PCDH15: variants seen among roughly 807,000 people sequenced by gnomAD.
PCDH15 encodes protocadherin-15.
Under a neutral mutation model 178.5 loss-of-function variants are expected in PCDH15, and 129 were observed. The ratio of observed to expected loss-of-function variants is 0.72; its 90% CI spans 0.63 to 0.84. The LOEUF (loss-of-function observed/expected upper bound fraction) is 0.84, where lower values mean the gene tolerates loss of function less well. PCDH15 is among the 40% of genes least tolerant of loss of function. PCDH15 has a pLI of 0.00. For synonymous variants in PCDH15, 800 were observed against 732.0 expected (o/e 1.09, Z -1.50); for missense variants, 2,230 against 2,099.9 (o/e 1.06, Z -1.21).
At chr10:55,490,717 GA>G (rs1294396428) in intron 2 of PCDH15, among the ~76,000 whole-genome samples, 1 of 151,680 alleles carries the variant, frequency 6.6e-6, no homozygotes, top group South Asian at 2.1e-4. Context: ...GTGGAAGACA[GA>G]AAAAAATATT....
rs1376393893 is a variant in PCDH15 at position 54,198,769 on chromosome 10, G to A, written c.1099-2880C>T. Among the ~76,000 whole-genome samples the A allele has an allele frequency of 2.1e-5, 2 of 95,180 alleles. 1 individual carries two copies. The highest frequency in any genetic ancestry group is 3.8e-5 in the Non-Finnish European group (2 of 53,092). The allele number at this position is 95,180 out of a possible 152,430, so 62.4% of individuals were successfully genotyped here. A position where few individuals can be genotyped will look rare whatever the true frequency, so the allele number is the denominator to read the frequency against. On this transcript the variant is annotated intron_variant, in intron 10 of 37. Transcript: ENST00000644397. ...GCCCGCCTCGGCCTCCCAAAGTGCT[G>A]GGATTACAGGCGTGAGCCAATAACC...
chr10:55,510,657 T>A (rs1258075325), intron 2 of PCDH15, among the ~76,000 whole-genome samples: 2 of 151,888 alleles, frequency 1.3e-5, no homozygotes, highest in African/African-American at 4.8e-5. Flanking sequence ...AAAAACTGTT[T>A]AAAATTCAAA....
chr10:54,745,511 A>T (rs941758399), intron 1 of PCDH15, among the ~76,000 whole-genome samples: 1 of 152,196 alleles, frequency 6.6e-6, no homozygotes, highest in Non-Finnish European at 1.5e-5. Flanking sequence ...ATGTATGCTG[A>T]ATGAGTGTGT....
intron 3 of PCDH15, among the ~76,000 whole-genome samples, chr10:54,515,010 G>A (rs112247145): frequency 9.3e-4 from 141 of 152,324 alleles, no homozygotes; most frequent in African/African-American, 3.1e-3. Flanking sequence ...CAAGATGGCC[G>A]AGTAGGAATA....
chr10:55,062,648 C>A (rs1841462839), intron 2 of PCDH15, among the ~76,000 whole-genome samples: 1 of 152,078 alleles, frequency 6.6e-6, no homozygotes, highest in Non-Finnish European at 1.5e-5. Context: ...CTGTATGATG[C>A]TATAATGGTA....
At chr10:53,853,513 T>C (rs2078529955) in intron 28 of PCDH15, among the ~76,000 whole-genome samples, 1 of 152,006 alleles carries the variant, frequency 6.6e-6, no homozygotes, top group Non-Finnish European at 1.5e-5. Context: ...TATTTGCAAA[T>C]CTTACATCTG....
intron 8 of PCDH15, among the ~76,000 whole-genome samples, chr10:54,250,505 G>A (rs926454822): frequency 6.6e-6 from 1 of 150,906 alleles, no homozygotes; most frequent in African/African-American, 2.4e-5. Context: ...GGATGGTCTC[G>A]ATCTCCTGAC....
Position 54,374,704 on chromosome 10 carries a change from A to G in PCDH15, c.318+4078T>C, listed in dbSNP as rs549491514. Among the ~76,000 whole-genome samples, 39 of 152,180 alleles carry G rather than the reference A, an allele frequency of 2.6e-4. No homozygotes were observed. In the East Asian group the frequency reaches 7.4e-3, roughly 29 times the overall value. On this transcript the variant is annotated intron_variant, in intron 4 of 37. Transcript: ENST00000644397. ...AATTTATGTAACTTTAGTGAACAAAAAAATAAAAATAAGACATAAAAATAA... is the reference window on the plus strand; with the variant it reads ...AATTTATGTAACTTTAGTGAACAAAGAAATAAAAATAAGACATAAAAATAA...
At chr10:55,366,570 T>C (rs1008377720) in intron 2 of PCDH15, among the ~76,000 whole-genome samples, 1 of 152,154 alleles carries the variant, frequency 6.6e-6, no homozygotes, top group African/African-American at 2.4e-5. Flanking sequence ...CAATAAATTG[T>C]AACACTCTTA....
chr10:53,831,018 T>C (rs1207029064), intron 30 of PCDH15: 1 of 548,242 alleles, frequency 1.8e-6, no homozygotes, highest in Non-Finnish European at 3.4e-6. Context: ...CTCTCCCAAG[T>C]TGGCTCTTAA....
At chr10:54,461,125 C>G (rs2077139777) in intron 3 of PCDH15, among the ~76,000 whole-genome samples, 1 of 151,832 alleles carries the variant, frequency 6.6e-6, no homozygotes, top group African/African-American at 2.4e-5. Context: ...AATTCAGAAG[C>G]AACATCAAAG....
At chr10:55,011,301 C>T (rs7358230) in intron 2 of PCDH15, among the ~76,000 whole-genome samples, 117,712 of 152,076 alleles carry the variant, frequency 0.77, 45,735 homozygotes, top group East Asian at 0.84. Flanking sequence ...AATGACCAAA[C>T]TATCAGTGCT....
intron 14 of PCDH15, among the ~76,000 whole-genome samples, chr10:54,145,511 T>G (rs1401315753): frequency 6.6e-6 from 1 of 152,108 alleles, no homozygotes; most frequent in East Asian, 1.9e-4. Flanking sequence ...TTGAAATACA[T>G]ATAGAAATCT....
chr10:54,153,858 TA>T (rs143489556), intron 13 of PCDH15, among the ~76,000 whole-genome samples: 2,158 of 152,246 alleles, frequency 0.014, 59 homozygotes, highest in African/African-American at 0.05. Flanking sequence ...CCCTGATTTA[TA>T]AAGGACTGAT....
Position 54,359,267 on chromosome 10 carries a change from TA to T in PCDH15, c.474+9852del, listed in dbSNP as rs550002721. Reference sequence around the variant, plus strand: ...AAGCTTAAATAAACCTTTAAAAAACTAAAAAAAAACAAAAACTAAAACCATC... The same window carrying T: ...AAGCTTAAATAAACCTTTAAAAAACTAAAAAAAACAAAAACTAAAACCATC... On this transcript the variant is annotated intron_variant, in intron 5 of 37. Coordinates refer to ENST00000644397, the MANE Select transcript of PCDH15 (RefSeq NM_001384140.1). 1.6e-3 allele frequency among the ~76,000 whole-genome samples: 233 copies of T among 143,708 alleles called. 1 individual carries two copies. Among genetic ancestry groups the T allele is most frequent in the African/African-American group, 6.2e-3 (223 of 36,076 alleles). The allele number at this position is 143,708 out of a possible 152,430, so 94.3% of individuals were successfully genotyped here.
At chr10:55,438,256 T>C (rs1436558658) in intron 2 of PCDH15, among the ~76,000 whole-genome samples, 1 of 151,988 alleles carries the variant, frequency 6.6e-6, no homozygotes, top group Non-Finnish European at 1.5e-5. Flanking sequence ...AATACTATTT[T>C]CCTGTGCCAT....
chr10:54,066,255 G>A (rs532904882), intron 18 of PCDH15, among the ~76,000 whole-genome samples: 39 of 152,282 alleles, frequency 2.6e-4, no homozygotes, highest in African/African-American at 8.7e-4. Context: ...CGGCTAATAT[G>A]TCCAGGTAGA....
chr10:54,348,316 A>G (rs1475789187), intron 5 of PCDH15, among the ~76,000 whole-genome samples: 4 of 152,340 alleles, frequency 2.6e-5, no homozygotes, highest in East Asian at 3.9e-4. Context: ...CCAGTTTCCT[A>G]GCAGGCAGCA....
chr10:54,307,098 GTGTGTGTATATATATATA>G (rs2060576884), intron 8 of PCDH15, among the ~76,000 whole-genome samples: 4 of 13,572 alleles, frequency 2.9e-4, no homozygotes, highest in Admixed American at 1.2e-3. Flanking sequence ...ATATATGTGT[GTGTGTGTATATATATATA>G]TATATATATA....
Sources: allele counts gnomAD v4.1 joint callset (sites outside exome capture counted in the v4.1 genomes callset), GRCh38; gene constraint gnomAD v4.1.1; transcripts MANE v1.5; gene names NCBI Gene and HGNC (gene_info 2026-07-23, HGNC 2026-07-21).